The following CNIH3 variants were observed in gnomAD, a reference collection of about 807,000 sequenced individuals.
The protein encoded by CNIH3 is protein cornichon homolog 3.
A neutral mutation model predicts 24.1 loss-of-function variants in CNIH3; 14 were observed. That is an observed-to-expected ratio of 0.58 (90% CI 0.38 to 0.91). The LOEUF is 0.91. Among genes scored for constraint, CNIH3 ranks in the 40% least tolerant of loss-of-function variants. The pLI, the probability that CNIH3 is intolerant of heterozygous loss-of-function variation, is 0.00. For missense variants in CNIH3, 178 were observed against 196.8 expected (o/e 0.90, Z 0.57); for synonymous variants, 68 against 73.8 (o/e 0.92, Z 0.40).
chr1:224,470,238 T>C (rs776393637), intron 1 of CNIH3, among the ~76,000 whole-genome samples: 1 of 152,044 alleles, frequency 6.6e-6, no homozygotes, highest in Non-Finnish European at 1.5e-5. Context: ...CAGGATAGTC[T>C]CGATCTCCTG....
intron 5 of CNIH3, among the ~76,000 whole-genome samples, chr1:224,587,624 A>G (rs1345363381): frequency 1.3e-5 from 2 of 152,172 alleles, no homozygotes; most frequent in African/African-American, 2.4e-5. Context: ...TGGTGTGCGT[A>G]TATGTGTATG....
rs528961022 is a variant in CNIH3, at chr1:224,661,143, A to C, written c.82-19815A>C. On this transcript the variant is annotated intron_variant, in intron 1 of 5. Coordinates refer to ENST00000272133, the MANE Select transcript of CNIH3 (RefSeq NM_152495.2). ...CCTCAAATGGTGCTTGTTTAGGTTA[A>C]CATTTCTGTTAAGTGTGTGCATTGA... 2.3e-4 allele frequency: 51 copies of C among 222,580 alleles called. No homozygotes were observed. In the East Asian group the frequency reaches 5.1e-3, roughly 22 times the overall value. The allele number at this position is 222,580 out of a possible 1,614,324, so 13.8% of individuals were successfully genotyped here.
At position 224,458,541 on chromosome 1, in the gene CNIH3, T is replaced by C. The variant is rs1675774138; in HGVS notation, n.203+23679T>C. ...CCTGGTCTGATGACAGCAACCACCC[T>C]TTGACTACCTTCTCTGTGGCTGTTA... is the stretch of plus-strand genomic sequence containing the variant. On this transcript the variant is annotated intron_variant and non_coding_transcript_variant, in intron 1 of 5. Transcript: ENST00000471578. The surrounding 1 kb of genome is among the most constrained non-coding windows in gnomAD (Gnocchi z 4.3). Among the ~76,000 whole-genome samples, 1 of 152,172 alleles carries C rather than the reference T, an allele frequency of 6.6e-6. No individual in the cohort carries two copies. The highest frequency in any genetic ancestry group is 1.5e-5 in the Non-Finnish European group (1 of 68,028).
intron 1 of CNIH3, among the ~76,000 whole-genome samples, chr1:224,628,822 A>G (rs1683672483): frequency 6.6e-6 from 1 of 151,970 alleles, no homozygotes; most frequent in Non-Finnish European, 1.5e-5. Context: ...ACCAACTAGC[A>G]TTTAACATCA....
chr1:224,623,221 G>T (rs751302977), intron 1 of CNIH3, among the ~76,000 whole-genome samples: 6 of 152,072 alleles, frequency 3.9e-5, no homozygotes, highest in African/African-American at 1.5e-4. Flanking sequence ...TTTGACTGTG[G>T]CTTTTCCTTC....
intron 1 of CNIH3, among the ~76,000 whole-genome samples, chr1:224,649,372 C>G (rs1205253879): frequency 6.6e-6 from 1 of 152,190 alleles, no homozygotes; most frequent in Admixed American, 6.5e-5. Flanking sequence ...GTAAGCCCTG[C>G]TGACACCTTG....
intron 3 of CNIH3, among the ~76,000 whole-genome samples, chr1:224,597,692 C>T (rs1463065224): frequency 6.6e-6 from 1 of 152,144 alleles, no homozygotes; most frequent in Non-Finnish European, 1.5e-5. Context: ...CCCTGTGCAT[C>T]TCTTCATCTG....
chr1:224,450,456 G>T lies in CNIH3; in HGVS notation n.203+15594G>T, dbSNP rs77694315. Among the ~76,000 whole-genome samples, 189 of 152,274 alleles carry T rather than the reference G, an allele frequency of 1.2e-3. 3 individuals are homozygous for T. In the East Asian group the frequency reaches 0.032, roughly 26 times the overall value. On this transcript the variant is annotated intron_variant and non_coding_transcript_variant, in intron 1 of 5. Coordinates refer to the CNIH3 transcript ENST00000471578. ...GTACCCTTGAGGCTGAGATCTGAAT[G>T]AACTACTCTCGTGAAGATCAGGGTA...
chr1:224,463,618 G>A (rs1158996239), intron 1 of CNIH3, among the ~76,000 whole-genome samples: 1 of 151,180 alleles, frequency 6.6e-6, no homozygotes, highest in Non-Finnish European at 1.5e-5. Flanking sequence ...TGTTGGTTAG[G>A]CTGGTCTCGA....
intron 1 of CNIH3, among the ~76,000 whole-genome samples, chr1:224,641,417 T>G (rs1051738652): frequency 3.9e-5 from 6 of 152,222 alleles, no homozygotes; most frequent in African/African-American, 1.4e-4. Context: ...GGATGCCCTC[T>G]TCATCCCAGG....
intron 3 of CNIH3, chr1:224,719,036 C>T (rs558481497): frequency 5.9e-5 from 9 of 152,312 alleles, no homozygotes; most frequent in Admixed American, 2.0e-4. Context: ...TCACCAGGCT[C>T]ATTGAACTCA....
intron 1 of CNIH3, among the ~76,000 whole-genome samples, chr1:224,502,083 A>T (rs12566578): frequency 0.71 from 108,115 of 151,882 alleles, 40,071 homozygotes; most frequent in Middle Eastern, 0.86. Flanking sequence ...GTTTGCCCAG[A>T]GGGGTCTTCC....
At chr1:224,531,895 G>A (rs975749109) in intron 2 of CNIH3, among the ~76,000 whole-genome samples, 6 of 152,102 alleles carry the variant, frequency 3.9e-5, no homozygotes, top group African/African-American at 1.4e-4. Flanking sequence ...GGCGAGAGAA[G>A]GCATTCATTC....
chr1:224,569,675 C>G (rs1271913766), intron 4 of CNIH3, among the ~76,000 whole-genome samples: 2 of 152,136 alleles, frequency 1.3e-5, no homozygotes, highest in Admixed American at 1.3e-4. Context: ...TCCATCATAG[C>G]CAACACCTGA....
At chr1:224,519,361 T>G (rs1678528813) in intron 1 of CNIH3, among the ~76,000 whole-genome samples, 1 of 152,104 alleles carries the variant, frequency 6.6e-6, no homozygotes, top group Non-Finnish European at 1.5e-5. Flanking sequence ...AGACTTACAC[T>G]ATTGGCTCCC....
Position 224,616,773 on chromosome 1 carries a change from A to T in CNIH3, c.-402A>T. The T allele has an allele frequency of 9.7e-7, 1 of 1,030,090 alleles. No homozygotes were observed. The highest frequency in any genetic ancestry group is 1.2e-6 in the Non-Finnish European group (1 of 859,168). 63.8% of individuals were successfully genotyped at this position (1,030,090 alleles called of 1,614,324 possible). A position where few individuals can be genotyped will look rare whatever the true frequency, so the allele number is the denominator to read the frequency against. On this transcript the variant is annotated 5_prime_UTR_variant, in exon 1 of 6. Transcript: ENST00000272133. ...AGCGGTTTAGTGGAGAAAAGCAGAG[A>T]GCTCTTCCTGGGGCGAATGGGACCT...
At chr1:224,471,371 C>T (rs1188646064) in intron 1 of CNIH3, among the ~76,000 whole-genome samples, 1 of 152,062 alleles carries the variant, frequency 6.6e-6, no homozygotes, top group African/African-American at 2.4e-5. Flanking sequence ...TTTTTGTACC[C>T]ATTAACCATC....
chr1:224,556,629 G>A (rs1680151641), intron 3 of CNIH3, among the ~76,000 whole-genome samples: 2 of 152,174 alleles, frequency 1.3e-5, no homozygotes, highest in African/African-American at 4.8e-5. Flanking sequence ...AGATTCTCAT[G>A]AGGAATGTAC....
At chr1:224,520,827 G>A (rs561408343) in intron 1 of CNIH3, among the ~76,000 whole-genome samples, 5 of 152,302 alleles carry the variant, frequency 3.3e-5, no homozygotes, top group Admixed American at 2.6e-4. Flanking sequence ...TTATGGGAGA[G>A]TTAGAGTATA....
Sources: gnomAD v4.1 joint callset for allele counts (sites outside exome capture counted in the v4.1 genomes callset) on GRCh38, gnomAD v4.1.1 for gene constraint, Gnocchi (gnomAD v3.1) non-coding constraint, MANE v1.5 for transcripts, NCBI Gene and HGNC (gene_info 2026-07-23, HGNC 2026-07-21) for gene names.